Variants in RPSA2 observed in about 807,000 individuals in gnomAD.
The protein encoded by RPSA2 is ribosomal protein SA 2, also known as small ribosomal subunit protein uS2B.
At chr19:23,847,497 G>A in the RPSA2 span, among the ~76,000 whole-genome samples, 1 of 152,114 alleles carries the variant, frequency 6.6e-6, no homozygotes, top group Admixed American at 6.6e-5. Context: ...AAAACCAGCA[G>A]GTTTTTATTA....
At chr19:23,815,966 TGTA>T in the RPSA2 span, among the ~76,000 whole-genome samples, 4 of 150,296 alleles carry the variant, frequency 2.7e-5, no homozygotes, top group East Asian at 5.9e-4. Flanking sequence ...AATACACAAT[TGTA>T]GTTACTATTT....
chr19:23,852,716 T>C, the RPSA2 span, among the ~76,000 whole-genome samples: 49 of 152,338 alleles, frequency 3.2e-4, no homozygotes, highest in African/African-American at 1.2e-3. Context: ...GTTATATTGC[T>C]GCAGAGATTT....
chr19:23,848,578 G>A, the RPSA2 span, among the ~76,000 whole-genome samples: 1 of 152,158 alleles, frequency 6.6e-6, no homozygotes, highest in Non-Finnish European at 1.5e-5. Context: ...TATGTCCAAG[G>A]ATAAATTATC....
the RPSA2 span, among the ~76,000 whole-genome samples, chr19:23,851,920 A>C: frequency 5.3e-5 from 8 of 152,238 alleles, no homozygotes; most frequent in South Asian, 4.1e-4. Context: ...CTGAACTTTG[A>C]GCCGATTTAA....
the RPSA2 span, chr19:23,833,099 T>C: frequency 7.9e-7 from 1 of 1,261,308 alleles, no homozygotes; most frequent in Non-Finnish European, 1.0e-6. Context: ...TCTTCAAGCT[T>C]TACTAAACAT....
At chr19:23,800,208 T>TA in the RPSA2 span, among the ~76,000 whole-genome samples, 1 of 6,642 alleles carries the variant, frequency 1.5e-4, no homozygotes, top group Non-Finnish European at 1.8e-3. Context: ...TATTTTATTT[T>TA]ATTTTTTTTT....
the RPSA2 span, chr19:23,842,816 A>G: frequency 6.6e-6 from 1 of 152,222 alleles, no homozygotes; most frequent in Non-Finnish European, 1.5e-5. Context: ...ATTGAAATAG[A>G]AAAGAAAATC....
chr19:23,859,007 A>G, the RPSA2 span, among the ~76,000 whole-genome samples: 6 of 152,150 alleles, frequency 3.9e-5, no homozygotes, highest in African/African-American at 1.4e-4. Flanking sequence ...AGAGAGAGCT[A>G]TTCTCCTTTC....
chr19:23,866,049 G>A, the RPSA2 span, among the ~76,000 whole-genome samples: 1 of 152,154 alleles, frequency 6.6e-6, no homozygotes, highest in Non-Finnish European at 1.5e-5. Context: ...CGCTCTTCAA[G>A]GAAACACTAC....
the RPSA2 span, among the ~76,000 whole-genome samples, chr19:23,859,389 G>A: frequency 6.6e-6 from 1 of 152,150 alleles, no homozygotes; most frequent in Admixed American, 6.6e-5. Flanking sequence ...AGCAGTTTGG[G>A]AGGCTGTGGT....
the RPSA2 span, among the ~76,000 whole-genome samples, chr19:23,779,565 C>T: frequency 3.9e-4 from 59 of 152,212 alleles, no homozygotes; most frequent in African/African-American, 1.4e-3. Context: ...TGACTCCTCC[C>T]TGAACCCTGT....
the RPSA2 span, among the ~76,000 whole-genome samples, chr19:23,862,639 T>C: frequency 2.0e-5 from 3 of 152,218 alleles, no homozygotes; most frequent in African/African-American, 7.2e-5. Context: ...GATAATCATG[T>C]GGTTTTTGTC....
At chr19:23,832,958 G>C in the RPSA2 span, 1 of 1,486,984 alleles carries the variant, frequency 6.7e-7, no homozygotes, top group Non-Finnish European at 9.1e-7. Context: ...ATTCACAGTG[G>C]AGTAAAACCC....
At chr19:23,865,818 G>A in the RPSA2 span, among the ~76,000 whole-genome samples, 1 of 152,136 alleles carries the variant, frequency 6.6e-6, no homozygotes, top group Non-Finnish European at 1.5e-5. Context: ...ACACACTCTT[G>A]TAGAGTTTAA....
chr19:23,862,486 C>A, the RPSA2 span, among the ~76,000 whole-genome samples: 1 of 151,714 alleles, frequency 6.6e-6, no homozygotes, highest in African/African-American at 2.4e-5. Flanking sequence ...CCAGTTTTTG[C>A]CCATTCAGTA....
At chr19:23,826,698 T>C in the RPSA2 span, among the ~76,000 whole-genome samples, 2 of 152,150 alleles carry the variant, frequency 1.3e-5, no homozygotes. Flanking sequence ...TATATATATA[T>C]ATTTTTTGAG....
the RPSA2 span, among the ~76,000 whole-genome samples, chr19:23,849,224 C>A: frequency 2.1e-3 from 320 of 152,310 alleles, 1 homozygote; most frequent in Non-Finnish European, 3.4e-3. Context: ...GTAAACAAAG[C>A]AGAATGCTTG....
the RPSA2 span, among the ~76,000 whole-genome samples, chr19:23,857,843 G>A: frequency 2.6e-5 from 4 of 151,782 alleles, no homozygotes; most frequent in Non-Finnish European, 4.4e-5. Context: ...TTTTCTTAGA[G>A]TACTGAAGAA....
chr19:23,804,729 C>T, the RPSA2 span, among the ~76,000 whole-genome samples: 1 of 152,102 alleles, frequency 6.6e-6, no homozygotes, highest in Non-Finnish European at 1.5e-5. Context: ...AGAGTGGGGC[C>T]AAATTTACGA....
Sources: gnomAD v4.1 joint callset for allele counts (sites outside exome capture counted in the v4.1 genomes callset) on GRCh38, gnomAD v4.1.1 for gene constraint, MANE v1.5 for transcripts, NCBI Gene and HGNC (gene_info 2026-07-23, HGNC 2026-07-21) for gene names.